SOX5: variants seen among roughly 807,000 people sequenced by gnomAD.
The protein encoded by SOX5 is SRY-box transcription factor 5.
A neutral mutation model predicts 92.0 loss-of-function variants in SOX5; 9 were observed. That is an observed-to-expected ratio of 0.10 (90% CI 0.06 to 0.17). SOX5 has a LOEUF of 0.17. Ranked by LOEUF, SOX5 falls within the 10% of genes least tolerant of loss-of-function variation. SOX5 has a pLI of 1.00. For synonymous variants in SOX5, 344 were observed against 336.3 expected, an observed-to-expected ratio of 1.02 and a Z score of -0.25; for missense variants, 642 against 944.5, an observed-to-expected ratio of 0.68 and a Z score of 4.20.
At chr12:23,910,308 AAAGTGTGTAGC>A (rs912561991) in intron 1 of SOX5, among the ~76,000 whole-genome samples, 4 of 152,306 alleles carry the variant, frequency 2.6e-5, no homozygotes, top group Middle Eastern at 3.4e-3. Context: ...ATGCATACTC[AAAGTGTGTAGC>A]AACTGTAAGA....
chr12:24,257,777 T>A (rs1397870251), intron 3 of SOX5, among the ~76,000 whole-genome samples: 1 of 151,806 alleles, frequency 6.6e-6, no homozygotes, highest in Non-Finnish European at 1.5e-5. Context: ...AAAGCTCCAG[T>A]TTTTATTTAA....
At chr12:23,817,743 G>T (rs2096024128) in intron 3 of SOX5, among the ~76,000 whole-genome samples, 1 of 152,146 alleles carries the variant, frequency 6.6e-6, no homozygotes, top group Non-Finnish European at 1.5e-5. Flanking sequence ...GCTTTGGTAT[G>T]AGTTCCCTCC....
chr12:24,105,589 C>T, intron 4 of SOX5, among the ~76,000 whole-genome samples: 1 of 152,116 alleles, frequency 6.6e-6, no homozygotes, highest in Non-Finnish European at 1.5e-5. Context: ...TTTTGCTTTT[C>T]AGGACATTTC....
At position 24,421,570 on chromosome 12, in the gene SOX5, C is replaced by T. The variant is rs189602040; in HGVS notation, c.-250-52931G>A. On this transcript the variant is annotated intron_variant, in intron 1 of 4. Coordinates refer to the SOX5 transcript ENST00000446891. ...TCAGTACTCTCTTTGGTGGTTTTTA[C>T]TATTAATATCTCTCTTGGGGATCCA... is the stretch of plus-strand genomic sequence containing the variant. 9.2e-5 allele frequency among the ~76,000 whole-genome samples: 14 copies of T among 152,240 alleles called. No individual in the cohort carries two copies. The East Asian group carries it at 2.7e-3, about 29-fold the overall frequency.
chr12:23,668,552 A>G (rs560002473), intron 6 of SOX5, among the ~76,000 whole-genome samples: 169 of 152,290 alleles, frequency 1.1e-3, no homozygotes, highest in Non-Finnish European at 2.2e-3. Flanking sequence ...TTAGTAATTC[A>G]TTCTATATAT....
At chr12:24,093,193 A>C (rs1944871017) in intron 4 of SOX5, among the ~76,000 whole-genome samples, 1 of 152,130 alleles carries the variant, frequency 6.6e-6, no homozygotes, top group South Asian at 2.1e-4. Context: ...GTGCCCTATC[A>C]GTCAAAATGT....
intron 1 of SOX5, among the ~76,000 whole-genome samples, chr12:23,924,932 CTTGT>C (rs1163787521): frequency 1.8e-4 from 28 of 151,976 alleles, no homozygotes; most frequent in African/African-American, 6.5e-4. Flanking sequence ...ACTTTGTTCA[CTTGT>C]TTATCTGCTG....
At chr12:24,108,625 G>C (rs1946963826) in intron 4 of SOX5, among the ~76,000 whole-genome samples, 1 of 152,094 alleles carries the variant, frequency 6.6e-6, no homozygotes. Flanking sequence ...ATCTTTACAA[G>C]TGGAATAGAC....
intron 3 of SOX5, among the ~76,000 whole-genome samples, chr12:24,276,499 TACTGGTG>T (rs1944449078): frequency 6.6e-6 from 1 of 152,172 alleles, no homozygotes; most frequent in African/African-American, 2.4e-5. Flanking sequence ...CTTTCAATCT[TACTGGTG>T]ACAAACTTCT....
rs1220364240 is a variant in SOX5, at chr12:24,259,106, A to G, written c.-77+18110T>C. 2.6e-5 allele frequency among the ~76,000 whole-genome samples: 4 copies of G among 152,172 alleles called. No individual in the cohort carries two copies. The East Asian group carries it at 7.7e-4, about 29-fold the overall frequency. ...TAATGTACTTTTAGGTTGGTGCAAA[A>G]GTAATGCTTGTCATAAAAGTATGAT... On this transcript the variant is annotated intron_variant, in intron 3 of 4. Transcript: ENST00000446891.
At chr12:24,455,719 G>A (rs1219125571) in intron 1 of SOX5, among the ~76,000 whole-genome samples, 1 of 152,142 alleles carries the variant, frequency 6.6e-6, no homozygotes, top group Non-Finnish European at 1.5e-5. Flanking sequence ...GAGATGCTAG[G>A]AAACTTTCTA....
At chr12:23,562,820 A>C (rs1946443716) in intron 11 of SOX5, among the ~76,000 whole-genome samples, 1 of 152,216 alleles carries the variant, frequency 6.6e-6, no homozygotes, top group Non-Finnish European at 1.5e-5. Context: ...TTTGCACTGG[A>C]AACATATTAT....
intron 2 of SOX5, among the ~76,000 whole-genome samples, chr12:24,292,362 T>C (rs1328476386): frequency 6.6e-6 from 1 of 152,208 alleles, no homozygotes; most frequent in Non-Finnish European, 1.5e-5. Flanking sequence ...AAAATCTATT[T>C]AAAAGTTGCA....
intron 2 of SOX5, among the ~76,000 whole-genome samples, chr12:24,327,370 C>A (rs1039598901): frequency 1.5e-5 from 2 of 130,898 alleles, no homozygotes; most frequent in East Asian, 4.7e-4. Flanking sequence ...AAATGAAGGG[C>A]TAGAGCAATG....
intron 2 of SOX5, among the ~76,000 whole-genome samples, chr12:23,893,269 A>G (rs1164164152): frequency 2.0e-5 from 3 of 152,100 alleles, no homozygotes; most frequent in African/African-American, 7.2e-5. Flanking sequence ...AACATGGTGA[A>G]ACCCTGTCTC....
intron 6 of SOX5, among the ~76,000 whole-genome samples, chr12:23,713,724 T>A (rs183082675): frequency 2.0e-4 from 29 of 148,034 alleles, no homozygotes; most frequent in African/African-American, 6.4e-4. Flanking sequence ...TATATATCTT[T>A]TATATATATA....
intron 4 of SOX5, among the ~76,000 whole-genome samples, chr12:24,183,648 T>C (rs1375553467): frequency 6.6e-6 from 1 of 152,174 alleles, no homozygotes; most frequent in Non-Finnish European, 1.5e-5. Context: ...AAAAATCTAA[T>C]ATAAAAAAAA....
At chr12:23,870,963 T>A (rs2096866528) in intron 2 of SOX5, among the ~76,000 whole-genome samples, 1 of 152,154 alleles carries the variant, frequency 6.6e-6, no homozygotes. Flanking sequence ...AATCCCGTTA[T>A]CCACCATGAA....
chr12:24,040,588 T>G (rs1956418740), intron 4 of SOX5, among the ~76,000 whole-genome samples: 1 of 152,204 alleles, frequency 6.6e-6, no homozygotes, highest in African/African-American at 2.4e-5. Context: ...AAAAATTCAT[T>G]TAGGCCGGGT....
Sources: gnomAD v4.1 joint callset for allele counts (sites outside exome capture counted in the v4.1 genomes callset) on GRCh38, gnomAD v4.1.1 for gene constraint, MANE v1.5 for transcripts, NCBI Gene and HGNC (gene_info 2026-07-23, HGNC 2026-07-21) for gene names.